MSI2: variants seen among roughly 807,000 people sequenced by gnomAD.
MSI2 encodes the protein musashi RNA binding protein 2, also known as RNA-binding protein Musashi homolog 2.
A neutral mutation model predicts 45.6 loss-of-function variants in MSI2; 17 were observed. That is an observed-to-expected ratio of 0.37 (90% confidence interval 0.26 to 0.56). The LOEUF (loss-of-function observed/expected upper bound fraction) is 0.56. MSI2 is among the 20% of genes least tolerant of loss of function. The probability of loss-of-function intolerance (pLI) is 0.77; values close to 1 mark genes in which losing one functional copy is unlikely to be tolerated. For synonymous variants in MSI2, 156 were observed against 158.2 expected, an observed-to-expected ratio of 0.99 and a Z score of 0.11; for missense variants, 293 against 444.2, an observed-to-expected ratio of 0.66 and a Z score of 3.06.
intron 5 of MSI2, among the ~76,000 whole-genome samples, chr17:57,321,353 T>C (rs899943967): frequency 7.2e-5 from 11 of 152,100 alleles, no homozygotes; most frequent in African/African-American, 2.7e-4. Context: ...TTGCTTCACA[T>C]GGCAAGGTGA....
chr17:57,560,738 T>C (rs2087553979), intron 7 of MSI2, among the ~76,000 whole-genome samples: 1 of 152,224 alleles, frequency 6.6e-6, no homozygotes, highest in South Asian at 2.1e-4. Flanking sequence ...ACTGCCGGTA[T>C]GGAGAGGAGT....
At chr17:57,690,331 G>T in the MSI2 span, among the ~76,000 whole-genome samples, 1 of 151,996 alleles carries the variant, frequency 6.6e-6, no homozygotes, top group South Asian at 2.1e-4. Flanking sequence ...ATTGGGTAGG[G>T]TGGGCATGGT....
At chr17:57,646,056 GCCCATACCCT>G (rs928857363) in intron 10 of MSI2, among the ~76,000 whole-genome samples, 2 of 152,174 alleles carry the variant, frequency 1.3e-5, no homozygotes, top group African/African-American at 4.8e-5. Flanking sequence ...GTGACTCCCA[GCCCATACCCT>G]CATCCACTGC....
At chr17:57,576,859 G>A (rs995133596) in intron 7 of MSI2, among the ~76,000 whole-genome samples, 1 of 152,052 alleles carries the variant, frequency 6.6e-6, no homozygotes, top group African/African-American at 2.4e-5. Flanking sequence ...AGGAAGCCTG[G>A]GGTTTTTTTA....
At chr17:57,423,839 C>T (rs2084441417) in intron 6 of MSI2, among the ~76,000 whole-genome samples, 1 of 152,136 alleles carries the variant, frequency 6.6e-6, no homozygotes, top group East Asian at 1.9e-4. Context: ...GCCACAAAGA[C>T]ATGTGGCGCA....
In MSI2 at chr17:57,596,792, A is replaced by C; in HGVS notation, c.455-76A>C. 3.9e-6 allele frequency: 4 copies of C among 1,028,778 alleles called. No individual in the cohort carries two copies. The highest frequency in any genetic ancestry group is 6.1e-6 in the Non-Finnish European group (4 of 656,108). 63.7% of individuals were successfully genotyped at this position (1,028,778 alleles called of 1,614,324 possible). Reference sequence around the variant, plus strand: ...GAGGCTGTCAAGACCTCAGGACGTCAGAGAAAAACCTGGGCCTGCCAGAAC... The same window carrying C: ...GAGGCTGTCAAGACCTCAGGACGTCCGAGAAAAACCTGGGCCTGCCAGAAC... On this transcript the variant is annotated intron_variant, in intron 7 of 13. Transcript: ENST00000284073. This position sits in a 1 kb window ranked among gnomAD's most constrained non-coding sequence, Gnocchi z 4.6.
At chr17:57,642,994 A>T (rs1268339377) in intron 10 of MSI2, among the ~76,000 whole-genome samples, 1 of 152,050 alleles carries the variant, frequency 6.6e-6, no homozygotes, top group Non-Finnish European at 1.5e-5. Flanking sequence ...CAAACTACCT[A>T]CTGCAGTGTT....
intron 10 of MSI2, among the ~76,000 whole-genome samples, chr17:57,641,417 A>G (rs1910254055): frequency 6.6e-6 from 1 of 152,052 alleles, no homozygotes; most frequent in Non-Finnish European, 1.5e-5. Flanking sequence ...AGCTGGGGAG[A>G]AAGCAGGCAT....
chr17:57,466,712 G>C (rs2085337089), intron 6 of MSI2, among the ~76,000 whole-genome samples: 1 of 152,112 alleles, frequency 6.6e-6, no homozygotes, highest in Non-Finnish European at 1.5e-5. Flanking sequence ...AAATATTCAG[G>C]AGTGTCCCAC....
Position 57,339,507 on chromosome 17 carries a change from C to T in MSI2, c.313-61872C>T, listed in dbSNP as rs562324003. On this transcript the variant is annotated intron_variant, in intron 5 of 13. Transcript: ENST00000284073. The stretch of plus-strand genomic sequence containing the variant: ...GCTCCTCCCTCCCTCGGGCCCCCTC[C>T]CTGTGGCACGGACTTGCCCTGCTGT... 2.6e-5 allele frequency among the ~76,000 whole-genome samples: 4 copies of T among 152,282 alleles called. No homozygotes were observed. The South Asian group carries it at 8.3e-4, about 32-fold the overall frequency.
intron 7 of MSI2, among the ~76,000 whole-genome samples, chr17:57,591,367 G>T (rs562788560): frequency 6.6e-6 from 1 of 152,232 alleles, no homozygotes; most frequent in Admixed American, 6.5e-5. Flanking sequence ...AACAAGCCAG[G>T]CACAACAGTA....
At chr17:57,589,600 G>A (rs776991089) in intron 7 of MSI2, among the ~76,000 whole-genome samples, 21 of 152,198 alleles carry the variant, frequency 1.4e-4, no homozygotes, top group Admixed American at 5.9e-4. Context: ...ACTGGGGCTC[G>A]ACTTGTGACG....
intron 6 of MSI2, chr17:57,450,266 A>AGAAAGAAAGAAG (rs1361107491): frequency 0.012 from 1,082 of 91,590 alleles, 33 homozygotes; most frequent in African/African-American, 0.025. Context: ...AAAGAAAGAA[A>AGAAAGAAAGAAG]GAAAGAAAGA....
chr17:57,263,896 G>T (rs937877573), intron 5 of MSI2: 6 of 152,088 alleles, frequency 3.9e-5, no homozygotes, highest in Non-Finnish European at 7.4e-5. Context: ...TGAATTCTAG[G>T]GATTTAATAA....
intron 5 of MSI2, among the ~76,000 whole-genome samples, chr17:57,371,576 A>G (rs1429428043): frequency 1.3e-5 from 2 of 148,524 alleles, no homozygotes; most frequent in South Asian, 2.1e-4. Flanking sequence ...CACACAAATC[A>G]TTGGCTAACC....
At chr17:57,386,177 G>A (rs2083683341) in intron 5 of MSI2, among the ~76,000 whole-genome samples, 1 of 152,156 alleles carries the variant, frequency 6.6e-6, no homozygotes, top group Non-Finnish European at 1.5e-5. Context: ...TAGCCTGGAA[G>A]GGTTTGTCTG....
chr17:57,369,310 T>C (rs2083387166), intron 5 of MSI2, among the ~76,000 whole-genome samples: 1 of 151,804 alleles, frequency 6.6e-6, no homozygotes, highest in Non-Finnish European at 1.5e-5. Context: ...CAACCTACAG[T>C]GGGGAAAGGG....
chr17:57,507,235 G>C lies in MSI2; in HGVS notation c.406-22441G>C, dbSNP rs957178823. On this transcript the variant is annotated intron_variant, in intron 6 of 13. Coordinates refer to ENST00000284073, the MANE Select transcript of MSI2 (RefSeq NM_138962.4). ...TTTGTCTTTGTCTCTCTGTGTGTGT[G>C]TGTGTGTGTGTGTGTGTGTGTGTGT... is the stretch of plus-strand genomic sequence containing the variant. Among the ~76,000 whole-genome samples the C allele has an allele frequency of 7.0e-3, 638 of 91,638 alleles. 40 individuals carry two copies. The highest frequency in any genetic ancestry group is 0.027 in the African/African-American group (605 of 22,010). 60.1% of individuals were successfully genotyped at this position (91,638 alleles called of 152,430 possible).
At chr17:57,626,897 A>G (rs1908856093) in intron 9 of MSI2, 3 of 397,276 alleles carry the variant, frequency 7.6e-6, no homozygotes, top group African/African-American at 4.0e-5. Flanking sequence ...GGTAAAGTAC[A>G]TGCAGGGTAA....
Sources: gnomAD v4.1 joint callset for allele counts (sites outside exome capture counted in the v4.1 genomes callset) on GRCh38, gnomAD v4.1.1 for gene constraint, Gnocchi (gnomAD v3.1) non-coding constraint, MANE v1.5 for transcripts, NCBI Gene and HGNC (gene_info 2026-07-23, HGNC 2026-07-21) for gene names.